TMCC1: variants seen among roughly 807,000 people sequenced by gnomAD.
TMCC1 encodes transmembrane and coiled-coil domains protein 1.
In TMCC1, 15 loss-of-function variants were observed where a neutral mutation model predicts 52.4. The observed-to-expected ratio is 0.29, with a 90% CI of 0.19 to 0.44. The LOEUF (loss-of-function observed/expected upper bound fraction) is 0.44, where lower values mean the gene tolerates loss of function less well. TMCC1 is among the 20% of genes least tolerant of loss of function. TMCC1 has a pLI of 1.00. For synonymous variants in TMCC1, 279 were observed against 301.9 expected (o/e 0.92, Z 0.79); for missense variants, 503 against 806.0 (o/e 0.62, Z 4.55).
intron 2 of TMCC1, among the ~76,000 whole-genome samples, chr3:129,861,632 T>C (rs1005008631): frequency 3.0e-4 from 45 of 152,218 alleles, no homozygotes; most frequent in Non-Finnish European, 8.8e-5. Flanking sequence ...ATGCTCACCT[T>C]GTTAGTCATT....
chr3:129,652,438 C>T (rs1351099717), intron 6 of TMCC1, among the ~76,000 whole-genome samples: 2 of 152,084 alleles, frequency 1.3e-5, no homozygotes, highest in African/African-American at 4.8e-5. Flanking sequence ...ATATCCCCTC[C>T]CTTTTTGAGT....
intron 1 of TMCC1, among the ~76,000 whole-genome samples, chr3:129,880,864 CTTTTT>C (rs62895562): frequency 7.3e-6 from 1 of 136,068 alleles, no homozygotes; most frequent in Non-Finnish European, 1.6e-5. Context: ...AATTTTTTTT[CTTTTT>C]TTTTTTTTTT....
At chr3:129,723,365 T>TC (rs1246811100) in intron 4 of TMCC1, among the ~76,000 whole-genome samples, 4 of 147,426 alleles carry the variant, frequency 2.7e-5, no homozygotes, top group South Asian at 2.1e-4. Flanking sequence ...TTTTTCTTTT[T>TC]TTTTTTTTTT....
chr3:129,738,562 C>T (rs2051182314), intron 4 of TMCC1, among the ~76,000 whole-genome samples: 1 of 151,978 alleles, frequency 6.6e-6, no homozygotes, highest in Admixed American at 6.6e-5. Flanking sequence ...ATAAAAACTA[C>T]AATTAAAGAA....
intron 4 of TMCC1, among the ~76,000 whole-genome samples, chr3:129,682,280 C>G (rs866386192): frequency 6.6e-6 from 1 of 152,090 alleles, no homozygotes; most frequent in South Asian, 2.1e-4. Context: ...TACAGACCCA[C>G]GTCACTATGC....
chr3:129,651,586 G>A lies in TMCC1; in HGVS notation c.1857C>T (p.Asn619=). Residue 619 remains asparagine (N), a synonymous_variant, in exon 7 of 7, where the codon AAC becomes AAT. Coordinates refer to ENST00000393238, the MANE Select transcript of TMCC1 (RefSeq NM_001017395.5). The surrounding 1 kb of genome is among the most constrained non-coding windows in gnomAD (Gnocchi z 5.1). ...CAAGGAATAAAGTGCTGAACGTCCT[G>A]TTGCGAGTCTTCATGAGGGGGACCA... ...NCVVPLMKTR[N]RTFSTLFLVV... is the part of the protein sequence containing the mutation. The A allele has an allele frequency of 6.2e-7, 1 of 1,614,254 alleles. No individual in the cohort carries two copies.
At chr3:129,756,252 AG>A (rs1457028230) in intron 4 of TMCC1, among the ~76,000 whole-genome samples, 3 of 152,226 alleles carry the variant, frequency 2.0e-5, no homozygotes, top group African/African-American at 7.2e-5. Context: ...TGTTTATAGT[AG>A]CTTTCTTCAT....
At chr3:129,888,143 G>A (rs1004802603) in intron 1 of TMCC1, among the ~76,000 whole-genome samples, 2 of 152,214 alleles carry the variant, frequency 1.3e-5, no homozygotes, top group African/African-American at 4.8e-5. Context: ...GTGTATGCTG[G>A]AATGGAATAA....
intron 4 of TMCC1, among the ~76,000 whole-genome samples, chr3:129,700,765 G>A (rs1268714863): frequency 6.7e-6 from 1 of 149,682 alleles, no homozygotes; most frequent in Non-Finnish European, 1.5e-5. Flanking sequence ...GTGAGCCACT[G>A]CGCCCAGCCA....
At chr3:129,715,180 G>A (rs2048980414) in intron 4 of TMCC1, among the ~76,000 whole-genome samples, 1 of 152,146 alleles carries the variant, frequency 6.6e-6, no homozygotes, top group Non-Finnish European at 1.5e-5. Flanking sequence ...TACAGTAACA[G>A]AGAAAGTATC....
chr3:129,771,797 A>AAAAAAAAAAAAAAAAAAAG (rs60824072), intron 4 of TMCC1, among the ~76,000 whole-genome samples: 2 of 86,834 alleles, frequency 2.3e-5, no homozygotes, highest in Non-Finnish European at 4.8e-5. Context: ...AAAAAAAAAA[A>AAAAAAAAAAAAAAAAAAAG]AAGAAGAAGA....
At chr3:129,664,488 T>C (rs1285886953) in intron 5 of TMCC1, among the ~76,000 whole-genome samples, 12 of 152,218 alleles carry the variant, frequency 7.9e-5, no homozygotes, top group African/African-American at 4.8e-5. Context: ...TTTGCTCTTA[T>C]GACTCAGTGC....
chr3:129,778,493 G>T (rs539547952), intron 4 of TMCC1, among the ~76,000 whole-genome samples: 1 of 152,196 alleles, frequency 6.6e-6, no homozygotes, highest in East Asian at 1.9e-4. Context: ...AATTCCTATA[G>T]TCCAGAATAA....
At chr3:129,867,322 T>C (rs145500747) in intron 2 of TMCC1, among the ~76,000 whole-genome samples, 6 of 152,340 alleles carry the variant, frequency 3.9e-5, no homozygotes, top group African/African-American at 9.6e-5. Flanking sequence ...CTTGCAATGA[T>C]AGCCTTCTTC....
chr3:129,667,216 C>A (rs1470799006), intron 5 of TMCC1, among the ~76,000 whole-genome samples: 5 of 121,322 alleles, frequency 4.1e-5, no homozygotes, highest in Non-Finnish European at 6.5e-5. Context: ...AAGACCCTGA[C>A]TCTTAAAAAA....
intron 4 of TMCC1, among the ~76,000 whole-genome samples, chr3:129,723,395 T>C: frequency 7.9e-6 from 1 of 126,880 alleles, no homozygotes; most frequent in South Asian, 2.4e-4. Context: ...CCTAGATCCA[T>C]CAAGAATTTT....
intron 4 of TMCC1, among the ~76,000 whole-genome samples, chr3:129,745,102 T>C (rs929495087): frequency 7.2e-5 from 11 of 152,350 alleles, no homozygotes; most frequent in Middle Eastern, 3.4e-3. Context: ...TGCACTGTCA[T>C]GTGCTAAATG....
intron 4 of TMCC1, among the ~76,000 whole-genome samples, chr3:129,741,616 A>G (rs1029352737): frequency 6.6e-6 from 1 of 152,178 alleles, no homozygotes; most frequent in Non-Finnish European, 1.5e-5. Context: ...ATTTGAAGGA[A>G]ATAAAATTAT....
At chr3:129,797,986 C>CTTTTTTTTTTTTTTTTTTTT (rs11417298) in intron 4 of TMCC1, among the ~76,000 whole-genome samples, 2 of 136,662 alleles carry the variant, frequency 1.5e-5, no homozygotes, top group Non-Finnish European at 3.1e-5. Flanking sequence ...AGTTGTGTGC[C>CTTTTTTTTTTTTTTTTTTTT]TTTTTTTTTT....
Sources: allele counts gnomAD v4.1 joint callset (sites outside exome capture counted in the v4.1 genomes callset), GRCh38; gene constraint gnomAD v4.1.1; non-coding constraint Gnocchi (gnomAD v3.1); transcripts MANE v1.5; gene names NCBI Gene and HGNC (gene_info 2026-07-23, HGNC 2026-07-21).